TMEM128: variants seen among roughly 807,000 people sequenced by gnomAD.
TMEM128 encodes the protein transmembrane protein 128.
Under a neutral mutation model 19.7 loss-of-function variants are expected in TMEM128, and 16 were observed. The observed-to-expected ratio is 0.81, with a 90% CI of 0.55 to 1.23. TMEM128 has a LOEUF of 1.23. Ranked by LOEUF, TMEM128 falls within the 50% of genes most tolerant of loss-of-function variation. TMEM128 has a pLI of 0.00. For synonymous variants in TMEM128, 98 were observed against 75.8 expected (o/e 1.29, Z -1.52); for missense variants, 237 against 200.8 (o/e 1.18, Z -1.09).
chr4:4,242,711 G>A (rs1718013417), intron 2 of TMEM128, among the ~76,000 whole-genome samples: 1 of 152,000 alleles, frequency 6.6e-6, no homozygotes, highest in South Asian at 2.1e-4. Context: ...TAGAGATGGG[G>A]TCTCACCATG....
At chr4:4,246,389 C>G (rs549693828) in intron 1 of TMEM128, 46 bp from the exon 2 acceptor site, 1 of 1,563,422 alleles carries the variant, frequency 6.4e-7, no homozygotes, top group African/African-American at 1.4e-5. Flanking sequence ...CACAATTTTG[C>G]GAGGAAAAAT....
rs1005579627 is a variant in TMEM128 at position 4,241,520 on chromosome 4, C to T, written c.240-1041G>A. Among the ~76,000 whole-genome samples, 8 of 152,166 alleles carry T rather than the reference C, an allele frequency of 5.3e-5. No homozygotes were observed. The East Asian group carries it at 1.5e-3, about 29-fold the overall frequency. On this transcript the variant is annotated intron_variant, in intron 2 of 4. Transcript: ENST00000382753. ...TTCTCTATGGGAAAAGCCTGACAAT[C>T]CATGTGGAAGAGAGAGGGAGAACAG...
chr4:4,240,261 T>C (rs1399292873), intron 3 of TMEM128, 60 bp downstream of exon 3: 6 of 1,571,004 alleles, frequency 3.8e-6, no homozygotes, highest in Non-Finnish European at 5.2e-6. Context: ...AGCATATCAC[T>C]ATCTGATCAA....
In TMEM128 at chr4:4,246,213, G is replaced by T; in HGVS notation, c.228C>A (p.Phe76Leu). The change falls in exon 2 of 5, where the codon TTC becomes TTA. Residue 76 changes from phenylalanine to leucine, a missense_variant. Coordinates refer to ENST00000382753, the MANE Select transcript of TMEM128 (RefSeq NM_001297551.2). ...TAAAATTTTCTTACCTGCTAGTGTG[G>T]AAGTTTTCTTTAAGGGTTTTAAAGA... The part of the protein sequence containing the change: ...VDFFKTLKEN[F>L]HTSSWFLCGS... 1 of 1,593,662 alleles carries T rather than the reference G, an allele frequency of 6.3e-7. No homozygotes were observed. The highest frequency in any genetic ancestry group is 8.5e-7 in the Non-Finnish European group (1 of 1,173,814).
chr4:4,238,687 G>A (rs1402381364), intron 3 of TMEM128, among the ~76,000 whole-genome samples: 1 of 152,066 alleles, frequency 6.6e-6, no homozygotes, highest in Non-Finnish European at 1.5e-5. Context: ...TTCAACTACA[G>A]AAAATAAGTC....
intron 1 of TMEM128, among the ~76,000 whole-genome samples, chr4:4,247,160 GGACAA>G (rs1718214214): frequency 6.6e-6 from 1 of 152,166 alleles, no homozygotes; most frequent in African/African-American, 2.4e-5. Context: ...GACAGGTGAT[GGACAA>G]GACATTTTTC....
chr4:4,242,261 C>T (rs1389457148), intron 2 of TMEM128, among the ~76,000 whole-genome samples: 1 of 151,814 alleles, frequency 6.6e-6, no homozygotes, highest in Admixed American at 6.6e-5. Flanking sequence ...CTTTAGGAGT[C>T]TTCAAAGACC....
At position 4,240,225 on chromosome 4, in the gene TMEM128, C is replaced by CA. The variant is rs1717890399; in HGVS notation, c.398+95_398+96insT. ...CCAGGAGACTATTTTTCTGTTTTAA[C>CA]TTTTTTTCTTTCGAAGTTTGGACCA... On this transcript the variant is annotated intron_variant, in intron 3 of 4. Transcript: ENST00000382753. 1.2e-5 allele frequency: 16 copies of CA among 1,280,440 alleles called. No individual in the cohort carries two copies. In the South Asian group the frequency reaches 2.3e-4, roughly 18 times the overall value. The allele number at this position is 1,280,440 out of a possible 1,614,324, so 79.3% of individuals were successfully genotyped here. A position where few individuals can be genotyped will look rare whatever the true frequency, so the allele number is the denominator to read the frequency against.
chr4:4,244,182 C>T (rs2108820438), intron 2 of TMEM128, among the ~76,000 whole-genome samples: 1 of 152,102 alleles, frequency 6.6e-6, no homozygotes, highest in East Asian at 1.9e-4. Context: ...GGTTAAAGTA[C>T]CCATCCCCTC....
At chr4:4,237,327 G>A (rs1378216121) in intron 4 of TMEM128, among the ~76,000 whole-genome samples, 1 of 152,038 alleles carries the variant, frequency 6.6e-6, no homozygotes, top group East Asian at 1.9e-4. Context: ...CAACTATATT[G>A]GAAGGTACAA....
At chr4:4,243,759 C>T (rs1425421197) in intron 2 of TMEM128, among the ~76,000 whole-genome samples, 2 of 152,226 alleles carry the variant, frequency 1.3e-5, no homozygotes, top group East Asian at 1.9e-4. Flanking sequence ...CCAGTGTCTG[C>T]GTCCCGGCTT....
intron 1 of TMEM128, chr4:4,247,449 T>C: frequency 1.9e-6 from 2 of 1,061,418 alleles, no homozygotes; most frequent in Middle Eastern, 2.7e-4. Flanking sequence ...GACGTGGTTT[T>C]AAAACATATG....
intron 2 of TMEM128, among the ~76,000 whole-genome samples, chr4:4,241,050 C>G (rs1717938095): frequency 6.6e-6 from 1 of 152,158 alleles, no homozygotes; most frequent in Non-Finnish European, 1.5e-5. Context: ...GCACTCCAGC[C>G]TGGAGTGCCT....
chr4:4,236,307 C>T (rs1291065305), intron 4 of TMEM128, 51 bp from the exon 5 acceptor site: 1 of 149,654 alleles, frequency 6.7e-6, no homozygotes, highest in Non-Finnish European at 1.5e-5. Flanking sequence ...TGAAAGAAAA[C>T]CAGCATTTAT....
In TMEM128 at chr4:4,237,932, G is replaced by A. The variant is rs768248221; in HGVS notation, c.402C>T (p.Phe134=). The A allele has an allele frequency of 6.4e-7, 1 of 1,554,864 alleles. No individual in the cohort carries two copies. The highest frequency in any genetic ancestry group is 8.7e-7 in the Non-Finnish European group (1 of 1,147,754). The change falls in exon 4 of 5, where the codon TTC becomes TTT. Residue 134 remains phenylalanine (F), a synonymous_variant. Coordinates refer to ENST00000382753, the MANE Select transcript of TMEM128 (RefSeq NM_001297551.2). ...TASFIAAGIC[F]NIALWHVWSF... ...ACCACACATGCCATAAAGCAATGTT[G>A]AAGCTGAAAAGAACAAGACATAAAC...
At chr4:4,247,662 C>G (rs758251431) in intron 1 of TMEM128, 7 of 1,614,144 alleles carry the variant, frequency 4.3e-6, no homozygotes, top group Non-Finnish European at 5.1e-6. Flanking sequence ...AAAATCATCC[C>G]CATTGGTACA....
chr4:4,245,003 C>T (rs1318398516), intron 2 of TMEM128, among the ~76,000 whole-genome samples: 2 of 152,126 alleles, frequency 1.3e-5, no homozygotes, highest in Non-Finnish European at 2.9e-5. Context: ...CAGTCTCCTC[C>T]GCCAGAAGTC....
intron 1 of TMEM128, chr4:4,247,605 T>G (rs1205813680): frequency 6.2e-7 from 1 of 1,614,078 alleles, no homozygotes; most frequent in African/African-American, 1.3e-5. Context: ...AGTTACCTGT[T>G]TTGTACCCAA....
chr4:4,239,980 C>G (rs1315806577), intron 3 of TMEM128, among the ~76,000 whole-genome samples: 1 of 152,192 alleles, frequency 6.6e-6, no homozygotes, highest in Non-Finnish European at 1.5e-5. Flanking sequence ...TGTGCTGGCT[C>G]AGTTTACACC....
Sources: gnomAD v4.1 joint callset for allele counts (sites outside exome capture counted in the v4.1 genomes callset) on GRCh38, gnomAD v4.1.1 for gene constraint, MANE v1.5 for transcripts, NCBI Gene and HGNC (gene_info 2026-07-23, HGNC 2026-07-21) for gene names.